Variants in PTPRO observed in about 807,000 individuals in gnomAD.
PTPRO encodes the protein protein tyrosine phosphatase receptor type O, also known as receptor-type tyrosine-protein phosphatase O.
In PTPRO, 62 loss-of-function variants were observed where a neutral mutation model predicts 145.2. That is an observed-to-expected ratio of 0.43 (90% CI 0.35 to 0.53). The LOEUF is 0.53. PTPRO is among the 20% of genes least tolerant of loss of function. The probability of loss-of-function intolerance (pLI) is 0.01; values close to 1 mark genes in which losing one functional copy is unlikely to be tolerated. For synonymous variants in PTPRO, 565 were observed against 514.7 expected (o/e 1.10, Z -1.32); for missense variants, 1,345 against 1,482.7 (o/e 0.91, Z 1.53).
chr12:15,524,935 T>A lies in PTPRO; in HGVS notation c.2013T>A (p.Val671=). 8.1e-6 allele frequency: 13 copies of A among 1,614,102 alleles called. No homozygotes were observed. Among genetic ancestry groups the A allele is most frequent in the Non-Finnish European group, 1.1e-5 (13 of 1,179,966 alleles). The part of the protein sequence containing the change: ...SHSRMLHWMV[V]AEGKKKIKKS... Reference sequence around the variant, plus strand: ...CTAGAATGCTTCACTGGATGGTGGTTGCAGAAGGAAAAAAGAAAATTAAAA... The same window carrying A: ...CTAGAATGCTTCACTGGATGGTGGTAGCAGAAGGAAAAAAGAAAATTAAAA... Residue 671 remains valine, a synonymous_variant, in exon 11 of 27, where the codon GTT becomes GTA. Transcript: ENST00000281171.
At chr12:15,392,208 G>A (rs1291332207) in intron 1 of PTPRO, among the ~76,000 whole-genome samples, 2 of 152,150 alleles carry the variant, frequency 1.3e-5, no homozygotes, top group Admixed American at 6.5e-5. Flanking sequence ...GGACAATAAT[G>A]ATATTAGCAG....
At chr12:15,443,528 C>T (rs1391813375) in intron 1 of PTPRO, among the ~76,000 whole-genome samples, 1 of 152,002 alleles carries the variant, frequency 6.6e-6, no homozygotes, top group South Asian at 2.1e-4. Context: ...AGCTTCTGCA[C>T]ACCGAAAGAA....
intron 1 of PTPRO, among the ~76,000 whole-genome samples, chr12:15,413,914 A>C (rs1031947903): frequency 3.3e-5 from 5 of 152,236 alleles, no homozygotes; most frequent in East Asian, 1.9e-4. Flanking sequence ...GCTAAAAAAA[A>C]CAAGTTTTAA....
intron 1 of PTPRO, among the ~76,000 whole-genome samples, chr12:15,329,261 G>A (rs540963957): frequency 2.0e-5 from 3 of 152,284 alleles, no homozygotes; most frequent in South Asian, 4.1e-4. Context: ...TATGTGTCTT[G>A]TGATTCTCTC....
At chr12:15,426,750 G>T (rs998033085) in intron 1 of PTPRO, among the ~76,000 whole-genome samples, 1 of 151,972 alleles carries the variant, frequency 6.6e-6, no homozygotes, top group Non-Finnish European at 1.5e-5. Flanking sequence ...ACCTAAATGT[G>T]TATAGATTTG....
Position 15,322,758 on chromosome 12 carries a change from C to A in PTPRO, c.32C>A (p.Ala11Asp), listed in dbSNP as rs752232017. Residue 11 changes from alanine (A) to aspartate (D), a missense_variant, in exon 1 of 27, where the codon GCC (alanine) becomes GAC (aspartate). By Grantham distance (126) the Ala-to-Asp change is moderately radical. This residue lies in a region of PTPRO where 1,130 missense variants were observed against 1,214.7 expected (regional missense o/e 0.93). Transcript: ENST00000281171. This position sits in a 1 kb window ranked among gnomAD's most constrained non-coding sequence, Gnocchi z 6.3. The part of the protein sequence containing the change: MGHLPTGIHG[A>D]RRLLPLLWLF... ...CACCTGCCCACGGGGATACACGGCG[C>A]CCGCCGCCTCCTGCCTCTGCTCTGG... 6.2e-7 allele frequency: 1 copy of A among 1,612,366 alleles called. No homozygotes were observed. The highest frequency in any genetic ancestry group is 2.2e-5 in the East Asian group (1 of 44,826).
At position 15,394,018 on chromosome 12, in the gene PTPRO, GTGATAACCCAA is replaced by G. The variant is rs369274949; in HGVS notation, c.75+71222_75+71232del. ...CTCTTGTGACAACCAACCAACTCCT[GTGATAACCCAA>G]TGATCTATTAATTCATTAATATATT... is the stretch of plus-strand genomic sequence containing the variant. On this transcript the variant is annotated intron_variant, in intron 1 of 26. Coordinates refer to ENST00000281171, the MANE Select transcript of PTPRO (RefSeq NM_030667.3). Among the ~76,000 whole-genome samples, 800 of 152,148 alleles carry G rather than the reference GTGATAACCCAA, an allele frequency of 5.3e-3. 3 individuals carry two copies. The highest frequency in any genetic ancestry group is 9.0e-3 in the Non-Finnish European group (615 of 68,006).
intron 1 of PTPRO, among the ~76,000 whole-genome samples, chr12:15,442,429 A>G (rs774704397): frequency 2.6e-5 from 4 of 152,170 alleles, no homozygotes; most frequent in Non-Finnish European, 4.4e-5. Flanking sequence ...CCCTTGAGAA[A>G]TGGAACAAAA....
chr12:15,456,776 T>A (rs1445148149), intron 1 of PTPRO, among the ~76,000 whole-genome samples: 1 of 152,174 alleles, frequency 6.6e-6, no homozygotes, highest in Non-Finnish European at 1.5e-5. Context: ...GCCTCATGAT[T>A]CTTTTTATTT....
chr12:15,562,194 C>G (rs1943790693), intron 17 of PTPRO, among the ~76,000 whole-genome samples: 1 of 152,038 alleles, frequency 6.6e-6, no homozygotes, highest in African/African-American at 2.4e-5. Context: ...TGTACAATGC[C>G]AGATACAAAA....
chr12:15,438,623 A>G (rs1940666980), intron 1 of PTPRO, among the ~76,000 whole-genome samples: 1 of 151,980 alleles, frequency 6.6e-6, no homozygotes, highest in Non-Finnish European at 1.5e-5. Context: ...GAGATTGAAG[A>G]GTGGTCTTTT....
intron 9 of PTPRO, among the ~76,000 whole-genome samples, chr12:15,517,968 ACTAGG>A (rs903629646): frequency 6.6e-6 from 1 of 152,174 alleles, no homozygotes; most frequent in African/African-American, 2.4e-5. Flanking sequence ...TCACAGCTCC[ACTAGG>A]CAGTACCCCA....
intron 1 of PTPRO, among the ~76,000 whole-genome samples, chr12:15,325,206 G>A (rs1237634185): frequency 6.6e-6 from 1 of 152,134 alleles, no homozygotes; most frequent in East Asian, 1.9e-4. Flanking sequence ...AGGAAAATAA[G>A]ACAGAGAAAT....
At chr12:15,407,860 T>C (rs1298436378) in intron 1 of PTPRO, among the ~76,000 whole-genome samples, 2 of 152,200 alleles carry the variant, frequency 1.3e-5, no homozygotes, top group African/African-American at 4.8e-5. Context: ...GCTCATTCAC[T>C]TTACCTTCCT....
At chr12:15,447,966 G>C (rs1049708267) in intron 1 of PTPRO, among the ~76,000 whole-genome samples, 2 of 152,042 alleles carry the variant, frequency 1.3e-5, no homozygotes, top group Non-Finnish European at 2.9e-5. Context: ...GATCTGCCTA[G>C]CAGAAACAAG....
intron 23 of PTPRO, among the ~76,000 whole-genome samples, chr12:15,585,624 T>C (rs993384608): frequency 2.0e-5 from 3 of 152,242 alleles, no homozygotes; most frequent in Admixed American, 1.3e-4. Flanking sequence ...AATTCATTTC[T>C]CTTTCAATAC....
chr12:15,469,297 G>C (rs914041798), intron 1 of PTPRO, among the ~76,000 whole-genome samples: 3 of 152,194 alleles, frequency 2.0e-5, no homozygotes, highest in African/African-American at 7.2e-5. Context: ...AATAAAGTCA[G>C]GCAAAATGAT....
intron 24 of PTPRO, among the ~76,000 whole-genome samples, chr12:15,588,009 T>C (rs1281944411): frequency 2.6e-5 from 4 of 152,240 alleles, no homozygotes; most frequent in Admixed American, 2.6e-4. Flanking sequence ...CTACTAAGTT[T>C]CTGTTTAGGG....
chr12:15,520,348 G>C, intron 10 of PTPRO, 36 bp downstream of exon 10: 1 of 1,490,052 alleles, frequency 6.7e-7, no homozygotes, highest in Non-Finnish European at 9.4e-7. Flanking sequence ...CACAAGGAGA[G>C]AGCATTATTG....
Sources: gnomAD v4.1 joint callset for allele counts (sites outside exome capture counted in the v4.1 genomes callset) on GRCh38, gnomAD v4.1.1 for gene constraint, gnomAD v4.1.1 regional missense constraint, Gnocchi (gnomAD v3.1) non-coding constraint, MANE v1.5 for transcripts, NCBI Gene and HGNC (gene_info 2026-07-23, HGNC 2026-07-21) for gene names.